MRPL15: variants seen among roughly 807,000 people sequenced by gnomAD.
MRPL15 encodes mitochondrial ribosomal protein L15.
Under a neutral mutation model 28.0 loss-of-function variants are expected in MRPL15, and 24 were observed. That is an observed-to-expected ratio of 0.86 (90% confidence interval 0.62 to 1.21). The LOEUF (loss-of-function observed/expected upper bound fraction) is 1.21. Ranked by LOEUF, MRPL15 falls within the 50% of genes most tolerant of loss-of-function variation. MRPL15 has a pLI of 0.00. For missense variants in MRPL15, 343 were observed against 372.4 expected, an observed-to-expected ratio of 0.92 and a Z score of 0.65; for synonymous variants, 124 against 137.0, an observed-to-expected ratio of 0.90 and a Z score of 0.66.
intron 2 of MRPL15, 137 bp from the exon 3 acceptor site, chr8:54,137,129 CAT>C (rs1810838076): frequency 3.7e-6 from 3 of 803,476 alleles, no homozygotes; most frequent in East Asian, 5.2e-5. Context: ...AGCAGTATTA[CAT>C]GTTTGTGTTA....
At chr8:54,141,904 G>A (rs2129239948) in intron 3 of MRPL15, among the ~76,000 whole-genome samples, 1 of 149,956 alleles carries the variant, frequency 6.7e-6, no homozygotes, top group East Asian at 2.0e-4. Flanking sequence ...CCAGACTGGA[G>A]TGCAGTGGTG....
intron 3 of MRPL15, among the ~76,000 whole-genome samples, chr8:54,142,435 C>T (rs962028476): frequency 1.3e-5 from 2 of 152,314 alleles, no homozygotes; most frequent in Admixed American, 6.5e-5. Context: ...GGATTACAGG[C>T]GTGAACCACT....
In MRPL15 at chr8:54,137,276, G is replaced by A. The variant is rs755754487; in HGVS notation, c.272G>A (p.Arg91His). 10 of 1,611,506 alleles carry A rather than the reference G, an allele frequency of 6.2e-6. No homozygotes were observed. The East Asian group carries it at 8.9e-5, about 14-fold the overall frequency. Residue 91 changes from arginine (R) to histidine (H), a missense_variant, in exon 3 of 5, where the codon CGC (arginine) becomes CAC (histidine). Arg to His is a conservative substitution (Grantham distance 29, BLOSUM62 0). Coordinates refer to ENST00000260102, the MANE Select transcript of MRPL15 (RefSeq NM_014175.4). Reference sequence around the variant, plus strand: ...ACATTCTTGTTTTACAGTTTCAGACGCCAGTATAAGCCTTTGAGTCTCAAT... The same window carrying A: ...ACATTCTTGTTTTACAGTTTCAGACACCAGTATAAGCCTTTGAGTCTCAAT... ...YGFNEGHSFR[R>H]QYKPLSLNRL... is the part of the protein sequence containing the mutation.
rs546492458 is a variant in MRPL15, at chr8:54,147,984, T to G, written c.*265T>G. ...AAAATGACAACTATTTTAGAATATTTCTAGTTTGTTTTTTCAGTGATCTTT... is the reference window on the plus strand; with the variant it reads ...AAAATGACAACTATTTTAGAATATTGCTAGTTTGTTTTTTCAGTGATCTTT... On this transcript the variant is annotated 3_prime_UTR_variant, in exon 5 of 5. Coordinates refer to ENST00000260102, the MANE Select transcript of MRPL15 (RefSeq NM_014175.4). 4 of 357,474 alleles carry G rather than the reference T, an allele frequency of 1.1e-5. No individual in the cohort carries two copies. The highest frequency in any genetic ancestry group is 8.1e-5 in the African/African-American group (4 of 49,090). 22.1% of individuals were successfully genotyped at this position (357,474 alleles called of 1,614,324 possible). A position where few individuals can be genotyped will look rare whatever the true frequency, so the allele number is the denominator to read the frequency against.
In MRPL15 at chr8:54,135,315, G is replaced by A. The variant is rs778351181; in HGVS notation, c.32G>A (p.Arg11Gln). Residue 11 changes from arginine (R) to glutamine (Q), a missense_variant, in exon 1 of 5, where the codon CGG becomes CAG. By Grantham distance (43) the Arg-to-Gln change is conservative (BLOSUM62 1). Transcript: ENST00000260102. MAGPLQGGGA[R>Q]ALDLLRGLPR... Reference sequence around the variant, plus strand: ...GGTCCCTTGCAGGGCGGTGGGGCCCGGGCCCTGGACCTACTCCGGGGCCTG... The same window carrying A: ...GGTCCCTTGCAGGGCGGTGGGGCCCAGGCCCTGGACCTACTCCGGGGCCTG... 2 of 1,437,680 alleles carry A rather than the reference G, an allele frequency of 1.4e-6. No individual in the cohort carries two copies. The highest frequency in any genetic ancestry group is 1.8e-6 in the Non-Finnish European group (2 of 1,089,674). 89.1% of individuals were successfully genotyped at this position (1,437,680 alleles called of 1,614,324 possible).
At chr8:54,140,371 C>A (rs1810897997) in intron 3 of MRPL15, among the ~76,000 whole-genome samples, 1 of 151,900 alleles carries the variant, frequency 6.6e-6, no homozygotes, top group Non-Finnish European at 1.5e-5. Flanking sequence ...AAGCCATTCT[C>A]CTGCCTCAGC....
At chr8:54,143,137 G>A (rs1334189860) in intron 4 of MRPL15, among the ~76,000 whole-genome samples, 3 of 151,862 alleles carry the variant, frequency 2.0e-5, no homozygotes, top group African/African-American at 7.3e-5. Context: ...CTGGAGTGCA[G>A]TGGCGCAATC....
Position 54,137,411 on chromosome 8 carries a change from AT to A in MRPL15, c.408del (p.Tyr136Ter), listed in dbSNP as rs1425138499. Reference protein sequence around the residue: ...GVTIQPLKRDYGVQLVEEGAD... With the variant: ...GVTIQPLKRDXGVQLVEEGAD... ...ACCATCCAGCCACTTAAAAGGGATT[AT>A]GGTGTCCAGCTGGTTGAGGAGGTAA... is the stretch of plus-strand genomic sequence containing the variant. On this transcript the variant is annotated frameshift_variant, in exon 3 of 5. Transcript: ENST00000260102. LOFTEE classifies it high-confidence loss of function. 6 of 1,613,978 alleles carry A rather than the reference AT, an allele frequency of 3.7e-6. No individual in the cohort carries two copies. The South Asian group carries it at 6.6e-5, about 18-fold the overall frequency.
In MRPL15 at chr8:54,142,787, G is replaced by T. The variant is rs149038439; in HGVS notation, c.553+1G>T. ...GCCTTCTATGATCCAAGAAGTCTGG[G>T]TAAGTTTGTTCCACGGTCATTTTCT... On this transcript the variant is annotated splice_donor_variant, in intron 4 of 4. Coordinates refer to ENST00000260102, the MANE Select transcript of MRPL15 (RefSeq NM_014175.4). LOFTEE classifies it high-confidence loss of function. The T allele has an allele frequency of 1.9e-6, 3 of 1,612,960 alleles. No homozygotes were observed. Among genetic ancestry groups the T allele is most frequent in the South Asian group, 2.2e-5 (2 of 90,634 alleles).
At position 54,147,425 on chromosome 8, in the gene MRPL15, C is replaced by T. The variant is rs1001804762; in HGVS notation, c.597C>T (p.Pro199=). Residue 199 remains proline, a synonymous_variant, in exon 5 of 5, where the codon CCC becomes CCT. Transcript: ENST00000260102. ...TTCCATTCTTTCTTCGTGGACAACC[C>T]ATTCCAAAAAGAATGCTTCCACCAG... The part of the protein sequence containing the change: ...KPVPFFLRGQ[P]IPKRMLPPEE... The T allele has an allele frequency of 1.2e-6, 2 of 1,613,628 alleles. No homozygotes were observed. Among genetic ancestry groups the T allele is most frequent in the African/African-American group, 2.7e-5 (2 of 74,886 alleles).
rs545137258 is a variant in MRPL15 at position 54,136,494 on chromosome 8, C to CT, written c.109-9dup. The stretch of plus-strand genomic sequence containing the variant: ...AAATGCATCTGAAATTCATAAAATT[C>CT]TTTTTTTTCCTTGCAGGAGAGAAGA... On this transcript the variant is annotated splice_polypyrimidine_tract_variant and intron_variant, in intron 1 of 4. Coordinates refer to ENST00000260102, the MANE Select transcript of MRPL15 (RefSeq NM_014175.4). 36 of 1,579,040 alleles carry CT rather than the reference C, an allele frequency of 2.3e-5. No homozygotes were observed. The highest frequency in any genetic ancestry group is 5.8e-5 in the South Asian group (5 of 86,536).
At chr8:54,144,419 A>G (rs1791870649) in intron 4 of MRPL15, among the ~76,000 whole-genome samples, 1 of 152,208 alleles carries the variant, frequency 6.6e-6, no homozygotes, top group Non-Finnish European at 1.5e-5. Context: ...ATCTGTATGT[A>G]GAGTTTGAAA....
rs745872740 is a variant in MRPL15, at chr8:54,137,441, T to C, written c.429+8T>C. 3.1e-6 allele frequency: 5 copies of C among 1,612,736 alleles called. No individual in the cohort carries two copies. The highest frequency in any genetic ancestry group is 4.2e-6 in the Non-Finnish European group (5 of 1,179,694). ...GTCCAGCTGGTTGAGGAGGTAAGTC[T>C]TGATTAGATCTTTTGGTGTTATATA... On this transcript the variant is annotated splice_region_variant and intron_variant, in intron 3 of 4. Transcript: ENST00000260102.
chr8:54,135,567 GTTCTTTTTT>G (rs773981436), intron 1 of MRPL15, among the ~76,000 whole-genome samples, 176 bp downstream of exon 1: 2 of 121,342 alleles, frequency 1.6e-5, no homozygotes, highest in Non-Finnish European at 1.6e-5. Context: ...CGTGCACCCA[GTTCTTTTTT>G]TTTTTTTTTT....
intron 3 of MRPL15, 76 bp downstream of exon 3, chr8:54,137,509 G>C: frequency 7.0e-7 from 1 of 1,419,628 alleles, no homozygotes; most frequent in Middle Eastern, 2.5e-4. Flanking sequence ...TGTTGCCTGA[G>C]CTGGAGTACA....
At position 54,147,426 on chromosome 8, in the gene MRPL15, A is replaced by C; in HGVS notation, c.598A>C (p.Ile200Leu). ...TCCATTCTTTCTTCGTGGACAACCC[A>C]TTCCAAAAAGAATGCTTCCACCAGA... is the stretch of plus-strand genomic sequence containing the variant. ...PVPFFLRGQP[I>L]PKRMLPPEEL... Residue 200 changes from isoleucine (I) to leucine (L), a missense_variant, in exon 5 of 5, where the codon ATT becomes CTT. Coordinates refer to ENST00000260102, the MANE Select transcript of MRPL15 (RefSeq NM_014175.4). The C allele has an allele frequency of 6.2e-7, 1 of 1,613,924 alleles. No homozygotes were observed. The highest frequency in any genetic ancestry group is 1.1e-5 in the South Asian group (1 of 91,064).
chr8:54,138,116 G>A (rs772826981), intron 3 of MRPL15, among the ~76,000 whole-genome samples: 17 of 151,568 alleles, frequency 1.1e-4, no homozygotes, highest in South Asian at 4.2e-4. Context: ...CACCACACCC[G>A]GCTAATTTTT....
intron 4 of MRPL15, 173 bp downstream of exon 4, chr8:54,142,959 C>A: frequency 2.1e-6 from 2 of 949,894 alleles, no homozygotes; most frequent in Non-Finnish European, 3.0e-6. Flanking sequence ...CTGACACATA[C>A]ACCAAGGGCA....
At position 54,136,497 on chromosome 8, in the gene MRPL15, T is replaced by G. The variant is rs142550302; in HGVS notation, c.109-14T>G. ...TGCATCTGAAATTCATAAAATTCTT[T>G]TTTTTCCTTGCAGGAGAGAAGACCA... On this transcript the variant is annotated splice_polypyrimidine_tract_variant and intron_variant, in intron 1 of 4. Coordinates refer to ENST00000260102, the MANE Select transcript of MRPL15 (RefSeq NM_014175.4). 4.9e-4 allele frequency: 779 copies of G among 1,581,222 alleles called. 3 individuals carry two copies. In the African/African-American group the frequency reaches 9.5e-3, roughly 19 times the overall value.
Sources: gnomAD v4.1 joint callset for allele counts (sites outside exome capture counted in the v4.1 genomes callset) on GRCh38, gnomAD v4.1.1 for gene constraint, MANE v1.5 for transcripts, NCBI Gene and HGNC (gene_info 2026-07-23, HGNC 2026-07-21) for gene names.